The following GPC5 variants were observed in gnomAD, a reference collection of about 807,000 sequenced individuals.
The protein encoded by GPC5 is glypican-5.
A neutral mutation model predicts 53.9 loss-of-function variants in GPC5; 47 were observed. That is an observed-to-expected ratio of 0.87 (90% CI 0.69 to 1.11). The LOEUF (loss-of-function observed/expected upper bound fraction) is 1.11, where lower values mean the gene tolerates loss of function less well. Among genes scored for constraint, GPC5 ranks in the 50% most tolerant of loss-of-function variants. The pLI is 0.00. For synonymous variants in GPC5, 286 were observed against 263.3 expected (o/e 1.09, Z -0.84); for missense variants, 748 against 713.1 (o/e 1.05, Z -0.56).
At position 91,697,092 on chromosome 13, in the gene GPC5, G is replaced by A. The variant is rs576783389; in HGVS notation, c.1020+3211G>A. ...TGTGCATAGTGTTTACATTTTACCA[G>A]TTATCACTATCACATTATATTATTT... On this transcript the variant is annotated intron_variant, in intron 3 of 7. Transcript: ENST00000377067. 2.6e-5 allele frequency among the ~76,000 whole-genome samples: 4 copies of A among 152,220 alleles called. No homozygotes were observed. The East Asian group carries it at 7.7e-4, about 29-fold the overall frequency.
intron 7 of GPC5, among the ~76,000 whole-genome samples, chr13:92,337,769 A>C (rs1287764884): frequency 6.6e-6 from 1 of 152,174 alleles, no homozygotes; most frequent in Non-Finnish European, 1.5e-5. Flanking sequence ...TTTACAAAGA[A>C]AATCTAGACA....
At chr13:92,473,365 T>C (rs758354110) in intron 7 of GPC5, among the ~76,000 whole-genome samples, 2 of 152,096 alleles carry the variant, frequency 1.3e-5, no homozygotes, top group Non-Finnish European at 1.5e-5. Flanking sequence ...AGTGTAGTGA[T>C]TGAAGTCTTG....
At chr13:91,795,140 A>G (rs2038026667) in intron 5 of GPC5, among the ~76,000 whole-genome samples, 1 of 152,178 alleles carries the variant, frequency 6.6e-6, no homozygotes, top group Non-Finnish European at 1.5e-5. Flanking sequence ...ATATTTTTAT[A>G]TATATAGTGT....
chr13:91,627,389 C>T (rs945423566), intron 2 of GPC5, among the ~76,000 whole-genome samples: 8 of 151,380 alleles, frequency 5.3e-5, no homozygotes, highest in Non-Finnish European at 1.2e-4. Context: ...AATGGTATCA[C>T]TTTTACACTG....
At chr13:92,717,555 C>G (rs1433617247) in intron 7 of GPC5, among the ~76,000 whole-genome samples, 1 of 152,168 alleles carries the variant, frequency 6.6e-6, no homozygotes, top group Non-Finnish European at 1.5e-5. Flanking sequence ...TTTGAATCCT[C>G]TACACTTTCT....
intron 7 of GPC5, among the ~76,000 whole-genome samples, chr13:92,782,634 A>C (rs567911942): frequency 6.6e-6 from 1 of 152,244 alleles, no homozygotes; most frequent in East Asian, 1.9e-4. Context: ...TTATAAGCTC[A>C]TTATTTTCTT....
At chr13:92,751,718 C>T (rs958755544) in intron 7 of GPC5, among the ~76,000 whole-genome samples, 1 of 151,048 alleles carries the variant, frequency 6.6e-6, no homozygotes, top group African/African-American at 2.4e-5. Context: ...GCACGTTGTG[C>T]ACATGTACCC....
intron 7 of GPC5, chr13:92,484,473 T>G (rs767657102): frequency 1.5e-4 from 23 of 152,210 alleles, no homozygotes; most frequent in Non-Finnish European, 3.2e-4. Context: ...TATTTGGTTA[T>G]GCATACTATA....
At chr13:92,298,166 G>A (rs1255032366) in intron 7 of GPC5, among the ~76,000 whole-genome samples, 1 of 152,114 alleles carries the variant, frequency 6.6e-6, no homozygotes, top group Non-Finnish European at 1.5e-5. Context: ...TCTCACTCCT[G>A]CCGTGCCCCC....
chr13:91,477,732 C>A (rs987024606), intron 2 of GPC5, among the ~76,000 whole-genome samples: 2 of 152,080 alleles, frequency 1.3e-5, no homozygotes, highest in African/African-American at 4.8e-5. Flanking sequence ...AGAGCCAGGG[C>A]AAGAGTGAAT....
intron 5 of GPC5, among the ~76,000 whole-genome samples, chr13:91,847,176 G>A (rs535547421): frequency 6.9e-4 from 94 of 136,432 alleles, no homozygotes; most frequent in Admixed American, 9.1e-4. Flanking sequence ...CCGAGATGGC[G>A]CCACTGCACT....
At position 92,278,986 on chromosome 13, in the gene GPC5, G is replaced by A. The variant is rs372275930; in HGVS notation, c.1561+133997G>A. On this transcript the variant is annotated intron_variant, in intron 7 of 7. Coordinates refer to ENST00000377067, the MANE Select transcript of GPC5 (RefSeq NM_004466.6). ...TCTTAAATCATTTTTTTTTCTTTCA[G>A]TGTTGTCTTAACTATTAAGGGCCCC... 5.9e-5 allele frequency among the ~76,000 whole-genome samples: 9 copies of A among 151,562 alleles called. 1 individual carries two copies. The highest frequency in any genetic ancestry group is 1.9e-4 in the African/African-American group (8 of 41,358).
At chr13:92,461,864 ATTTGTT>A (rs1357739901) in intron 7 of GPC5, among the ~76,000 whole-genome samples, 1 of 152,174 alleles carries the variant, frequency 6.6e-6, no homozygotes, top group African/African-American at 2.4e-5. Flanking sequence ...GTCTGTGGTA[ATTTGTT>A]ACAACAGCCT....
At chr13:91,484,877 A>G (rs959997873) in intron 2 of GPC5, among the ~76,000 whole-genome samples, 2 of 152,258 alleles carry the variant, frequency 1.3e-5, no homozygotes, top group Admixed American at 6.5e-5. Flanking sequence ...ATATAGTGGC[A>G]TAATGTGTAC....
chr13:92,118,745 G>A (rs1192640284), intron 6 of GPC5, among the ~76,000 whole-genome samples: 1 of 152,152 alleles, frequency 6.6e-6, no homozygotes. Flanking sequence ...AGAGTCCTTG[G>A]TAGTTGCTTT....
chr13:92,590,394 G>C (rs534067993), intron 7 of GPC5, among the ~76,000 whole-genome samples: 61 of 152,232 alleles, frequency 4.0e-4, no homozygotes, highest in African/African-American at 1.4e-3. Flanking sequence ...CCCAAAACCC[G>C]TTCCTATGCA....
rs377520714 is a variant in GPC5, at chr13:92,479,127, T to G, written c.1561+334138T>G. 1.7e-4 allele frequency among the ~76,000 whole-genome samples: 26 copies of G among 152,274 alleles called. 1 individual carries two copies. In the South Asian group the frequency reaches 5.4e-3, roughly 32 times the overall value. ...CCAAAAGAGTTCAGAATGAGTCATA[T>G]AGAATTGAAAGTCCTATTTATAGAG... On this transcript the variant is annotated intron_variant, in intron 7 of 7. Coordinates refer to ENST00000377067, the MANE Select transcript of GPC5 (RefSeq NM_004466.6).
intron 5 of GPC5, among the ~76,000 whole-genome samples, chr13:91,818,757 T>C (rs556003751): frequency 6.6e-6 from 1 of 152,180 alleles, no homozygotes; most frequent in Admixed American, 6.5e-5. Flanking sequence ...GAAAGTAACA[T>C]GCAAAACCGT....
At chr13:91,562,188 T>TAAAAAA (rs10603242) in intron 2 of GPC5, among the ~76,000 whole-genome samples, 32 of 45,056 alleles carry the variant, frequency 7.1e-4, no homozygotes, top group East Asian at 3.7e-3. Context: ...GGAGCAACAG[T>TAAAAAA]AAAAAAAAAA....
Sources: gnomAD v4.1 joint callset for allele counts (sites outside exome capture counted in the v4.1 genomes callset) on GRCh38, gnomAD v4.1.1 for gene constraint, MANE v1.5 for transcripts, NCBI Gene and HGNC (gene_info 2026-07-23, HGNC 2026-07-21) for gene names.